LTAP1: variants seen among roughly 807,000 people sequenced by gnomAD.
LTAP1 encodes the protein lipid transport auxiliary protein 1.
At chr1:154,214,779 C>G in the LTAP1 span, among the ~76,000 whole-genome samples, 1 of 152,090 alleles carries the variant, frequency 6.6e-6, no homozygotes, top group East Asian at 1.9e-4. Context: ...CTGCACATCT[C>G]TAAGCTAGAA....
chr1:154,212,344 T>G, the LTAP1 span: 1 of 1,614,166 alleles, frequency 6.2e-7, no homozygotes, highest in Non-Finnish European at 8.5e-7. Context: ...ACTCAGGGCC[T>G]CCTGATAGCG....
At chr1:154,220,010 C>A in the LTAP1 span, 1 of 1,261,078 alleles carries the variant, frequency 7.9e-7, no homozygotes, top group Non-Finnish European at 1.1e-6. Flanking sequence ...AAAAGCATGC[C>A]TTCATTCCAA....
At chr1:154,214,328 T>C in the LTAP1 span, 4 of 687,874 alleles carry the variant, frequency 5.8e-6, no homozygotes, top group Non-Finnish European at 1.0e-5. Flanking sequence ...AAATGGGCTC[T>C]GCATCTAACA....
chr1:154,213,833 A>ACT, the LTAP1 span: 1 of 1,411,010 alleles, frequency 7.1e-7, no homozygotes. Flanking sequence ...TGGGTTCATT[A>ACT]CTCTGTTCCC....
chr1:154,207,620 G>A, the LTAP1 span: 1 of 1,610,588 alleles, frequency 6.2e-7, no homozygotes, highest in Non-Finnish European at 8.5e-7. Flanking sequence ...TGGTGATGTC[G>A]CTGAGAGCTC....
At chr1:154,212,181 C>G in the LTAP1 span, 1 of 936,986 alleles carries the variant, frequency 1.1e-6, no homozygotes, top group Non-Finnish European at 1.7e-6. Flanking sequence ...ATGTAAGAGA[C>G]TGATCTAATA....
At chr1:154,218,113 T>C in the LTAP1 span, among the ~76,000 whole-genome samples, 1 of 152,136 alleles carries the variant, frequency 6.6e-6, no homozygotes, top group Non-Finnish European at 1.5e-5. Flanking sequence ...AATTGAAAAG[T>C]GGACATTTGA....
chr1:154,213,365 A>AT, the LTAP1 span: 1 of 152,872 alleles, frequency 6.5e-6, no homozygotes, highest in Admixed American at 6.5e-5. Context: ...GGAGATTCTG[A>AT]TTGAGACCAA....
At chr1:154,213,973 C>T in the LTAP1 span, 3 of 1,605,118 alleles carry the variant, frequency 1.9e-6, no homozygotes, top group Non-Finnish European at 1.7e-6. Context: ...TGGTGTTAGG[C>T]ATAACCCTAA....
the LTAP1 span, among the ~76,000 whole-genome samples, chr1:154,215,355 AG>A: frequency 6.6e-6 from 1 of 152,058 alleles, no homozygotes; most frequent in Non-Finnish European, 1.5e-5. Context: ...TCACAAGGTC[AG>A]GAGATCGAGA....
At chr1:154,213,990 T>A in the LTAP1 span, 1 of 1,580,958 alleles carries the variant, frequency 6.3e-7, no homozygotes, top group Non-Finnish European at 8.7e-7. Flanking sequence ...CTAAAAATAT[T>A]CCCCAGGCTG....
chr1:154,211,255 G>A, the LTAP1 span, among the ~76,000 whole-genome samples: 3 of 149,906 alleles, frequency 2.0e-5, no homozygotes, highest in African/African-American at 4.9e-5. Flanking sequence ...CACCCTCCTC[G>A]GCCTCCCAAA....
chr1:154,209,825 C>G, the LTAP1 span, among the ~76,000 whole-genome samples: 6 of 151,802 alleles, frequency 4.0e-5, no homozygotes, highest in Non-Finnish European at 7.4e-5. Context: ...CTCCTGATTT[C>G]ATGAACCGCC....
chr1:154,210,137 C>T, the LTAP1 span, among the ~76,000 whole-genome samples: 2 of 151,962 alleles, frequency 1.3e-5, no homozygotes, highest in Non-Finnish European at 2.9e-5. Context: ...TTCCTGGGTT[C>T]AAGCAATTCT....
the LTAP1 span, among the ~76,000 whole-genome samples, chr1:154,216,197 C>T: frequency 1.3e-5 from 2 of 152,114 alleles, no homozygotes; most frequent in Admixed American, 1.3e-4. Flanking sequence ...CACCCCAAAC[C>T]TTAACTTGTC....
chr1:154,220,293 C>A, the LTAP1 span: 2 of 1,606,658 alleles, frequency 1.2e-6, no homozygotes, highest in Non-Finnish European at 1.7e-6. Flanking sequence ...AGGAGGGTCT[C>A]TACTGGGTAA....
chr1:154,213,825 G>T, the LTAP1 span: 1 of 1,264,052 alleles, frequency 7.9e-7, no homozygotes, highest in Non-Finnish European at 1.1e-6. Context: ...ATACAAAGTG[G>T]GTTCATTACT....
At chr1:154,208,720 A>C in the LTAP1 span, among the ~76,000 whole-genome samples, 1 of 152,178 alleles carries the variant, frequency 6.6e-6, no homozygotes, top group Non-Finnish European at 1.5e-5. Flanking sequence ...CACTAAACCC[A>C]ATGAACATTC....
chr1:154,209,362 T>G, the LTAP1 span, among the ~76,000 whole-genome samples: 2 of 151,936 alleles, frequency 1.3e-5, no homozygotes, highest in South Asian at 4.2e-4. Flanking sequence ...TCTGCTGACT[T>G]CTAGACCAAA....
Sources: allele counts gnomAD v4.1 joint callset (sites outside exome capture counted in the v4.1 genomes callset), GRCh38; gene constraint gnomAD v4.1.1; transcripts MANE v1.5; gene names NCBI Gene and HGNC (gene_info 2026-07-23, HGNC 2026-07-21).